The following SCAMP1 variants were observed in gnomAD, a reference collection of about 807,000 sequenced individuals.
SCAMP1 encodes the protein secretory carrier-associated membrane protein 1.
In SCAMP1, 15 loss-of-function variants were observed where a neutral mutation model predicts 41.8. The observed-to-expected ratio is 0.36, with a 90% CI of 0.24 to 0.55. SCAMP1 has a LOEUF of 0.55. Ranked by LOEUF, SCAMP1 falls within the 20% of genes least tolerant of loss-of-function variation. The pLI, the probability that SCAMP1 is intolerant of heterozygous loss-of-function variation, is 0.86. For missense variants in SCAMP1, 341 were observed against 412.6 expected, an observed-to-expected ratio of 0.83 and a Z score of 1.50; for synonymous variants, 135 against 136.8, an observed-to-expected ratio of 0.99 and a Z score of 0.09.
chr5:78,366,920 CA>C (rs70998000), intron 1 of SCAMP1, among the ~76,000 whole-genome samples: 43,473 of 111,306 alleles, frequency 0.39, 6,608 homozygotes, highest in Non-Finnish European at 0.47. Flanking sequence ...GACCCTGTCT[CA>C]AAAAAAAAAA....
chr5:78,400,827 A>G (rs945506979), intron 2 of SCAMP1, among the ~76,000 whole-genome samples: 1 of 152,064 alleles, frequency 6.6e-6, no homozygotes. Flanking sequence ...CTTAATCTTC[A>G]TACCTTTTTT....
chr5:78,426,136 T>C (rs1333803083), intron 6 of SCAMP1, among the ~76,000 whole-genome samples: 1 of 152,214 alleles, frequency 6.6e-6, no homozygotes, highest in Non-Finnish European at 1.5e-5. Context: ...ATTTCTTTTT[T>C]ATGGCTACAT....
In SCAMP1 at chr5:78,477,072, T is replaced by C. The variant is rs1162116201; in HGVS notation, c.*1404T>C. The C allele has an allele frequency of 6.6e-6, 1 of 152,138 alleles. No homozygotes were observed. Among genetic ancestry groups the C allele is most frequent in the Non-Finnish European group, 1.5e-5 (1 of 67,998 alleles). 9.4% of individuals were successfully genotyped at this position (152,138 alleles called of 1,614,324 possible). A position where few individuals can be genotyped will look rare whatever the true frequency, so the allele number is the denominator to read the frequency against. On this transcript the variant is annotated 3_prime_UTR_variant, in exon 9 of 9. Transcript: ENST00000621999. ...TCAATTAGATTTTAAGTAAGGATTG[T>C]GATATTAGAGGCTGGAAATCCTTAT...
chr5:78,399,068 A>C (rs1283578158), intron 2 of SCAMP1, among the ~76,000 whole-genome samples: 3 of 152,190 alleles, frequency 2.0e-5, no homozygotes, highest in African/African-American at 7.2e-5. Context: ...GGAATCATAC[A>C]TAATGTAGCC....
At chr5:78,369,197 C>T (rs747599794) in intron 1 of SCAMP1, among the ~76,000 whole-genome samples, 2 of 151,646 alleles carry the variant, frequency 1.3e-5, no homozygotes, top group African/African-American at 2.4e-5. Context: ...ACCTCCACCA[C>T]GCAGGTTCAA....
intron 2 of SCAMP1, among the ~76,000 whole-genome samples, chr5:78,405,074 C>T (rs1386764334): frequency 6.6e-6 from 1 of 152,232 alleles, no homozygotes; most frequent in Non-Finnish European, 1.5e-5. Context: ...CCTATTTCTG[C>T]AGTCATGGGT....
rs1163283105 is a variant in SCAMP1, at chr5:78,475,995, C to G, written c.*327C>G. 3.1e-5 allele frequency: 5 copies of G among 158,848 alleles called. No homozygotes were observed. Among genetic ancestry groups the G allele is most frequent in the Non-Finnish European group, 5.5e-5 (4 of 72,158 alleles). The allele number at this position is 158,848 out of a possible 1,614,324, so 9.8% of individuals were successfully genotyped here. On this transcript the variant is annotated 3_prime_UTR_variant, in exon 9 of 9. Coordinates refer to ENST00000621999, the MANE Select transcript of SCAMP1 (RefSeq NM_004866.6). ...CTTATGATTAAAAACGCATTTAATA[C>G]TAACTGCAGTAGTTCTTTCAAGAAT...
intron 8 of SCAMP1, among the ~76,000 whole-genome samples, chr5:78,459,931 C>T (rs910476315): frequency 4.6e-5 from 7 of 152,108 alleles, no homozygotes; most frequent in Non-Finnish European, 2.9e-5. Context: ...CCTTTTGGGT[C>T]CCCGGTGTCT....
At chr5:78,445,940 A>C (rs769452659) in intron 6 of SCAMP1, among the ~76,000 whole-genome samples, 16 of 152,250 alleles carry the variant, frequency 1.1e-4, no homozygotes, top group Non-Finnish European at 1.6e-4. Context: ...GAAGTGTTTT[A>C]AAATAATTAT....
At chr5:78,463,751 A>G (rs1753672690) in intron 8 of SCAMP1, among the ~76,000 whole-genome samples, 1 of 152,180 alleles carries the variant, frequency 6.6e-6, no homozygotes, top group Admixed American at 6.5e-5. Flanking sequence ...TAATGAAAGT[A>G]TTCTAAAATT....
intron 1 of SCAMP1, chr5:78,370,580 G>A (rs986477109): frequency 6.6e-6 from 1 of 152,152 alleles, no homozygotes; most frequent in African/African-American, 2.4e-5. Context: ...TTTATCCATT[G>A]CTGGACACCT....
intron 7 of SCAMP1, among the ~76,000 whole-genome samples, chr5:78,457,441 G>T (rs1295498800): frequency 6.6e-6 from 1 of 152,014 alleles, no homozygotes; most frequent in African/African-American, 2.4e-5. Context: ...GGAATACCCT[G>T]TCGTGTAAGG....
At chr5:78,364,194 A>G (rs546721679) in intron 1 of SCAMP1, among the ~76,000 whole-genome samples, 1 of 152,286 alleles carries the variant, frequency 6.6e-6, no homozygotes, top group African/African-American at 2.4e-5. Flanking sequence ...GAAAGGGGAG[A>G]GTTTAATAAC....
chr5:78,429,998 G>C (rs1752562712), intron 6 of SCAMP1, among the ~76,000 whole-genome samples: 1 of 150,880 alleles, frequency 6.6e-6, no homozygotes, highest in Non-Finnish European at 1.5e-5. Context: ...TTTTAGGTTA[G>C]ACTAGTATTT....
At chr5:78,396,895 A>G (rs1296444428) in intron 2 of SCAMP1, among the ~76,000 whole-genome samples, 4 of 152,242 alleles carry the variant, frequency 2.6e-5, no homozygotes, top group Middle Eastern at 3.2e-3. Context: ...GTCATTAGCT[A>G]TCTTGAATAG....
chr5:78,388,464 C>T (rs1377618210), intron 1 of SCAMP1, among the ~76,000 whole-genome samples: 1 of 152,142 alleles, frequency 6.6e-6, no homozygotes, highest in Admixed American at 6.5e-5. Context: ...CAAACTGAAG[C>T]TGTTATAAAA....
chr5:78,462,512 G>T (rs188659896), intron 8 of SCAMP1, among the ~76,000 whole-genome samples: 1 of 152,130 alleles, frequency 6.6e-6, no homozygotes, highest in East Asian at 1.9e-4. Flanking sequence ...TTTTAGTAGA[G>T]ATGATTTCGC....
rs1754096310 is a variant in SCAMP1 at position 78,479,870 on chromosome 5, A to ATG, written c.*4203_*4204insGT. ...ATCCTGGCTAACATGGTGAAACCCCATCTCTACTAAAAATACAAAAAAAAA... is the reference window on the plus strand; with the variant it reads ...ATCCTGGCTAACATGGTGAAACCCCATGTCTCTACTAAAAATACAAAAAAAAA... On this transcript the variant is annotated 3_prime_UTR_variant, in exon 9 of 9. Coordinates refer to ENST00000621999, the MANE Select transcript of SCAMP1 (RefSeq NM_004866.6). Among the ~76,000 whole-genome samples, 1 of 150,890 alleles carries ATG rather than the reference A, an allele frequency of 6.6e-6. No homozygotes were observed. The highest frequency in any genetic ancestry group is 1.5e-5 in the Non-Finnish European group (1 of 67,932).
chr5:78,411,927 C>T (rs144905939), intron 2 of SCAMP1, among the ~76,000 whole-genome samples: 137 of 152,178 alleles, frequency 9.0e-4, no homozygotes, highest in African/African-American at 3.1e-3. Flanking sequence ...CCACATCTTT[C>T]TCAAAATGTG....
Sources: allele counts gnomAD v4.1 joint callset (sites outside exome capture counted in the v4.1 genomes callset), GRCh38; gene constraint gnomAD v4.1.1; transcripts MANE v1.5; gene names NCBI Gene and HGNC (gene_info 2026-07-23, HGNC 2026-07-21).